The following ESRRB variants were observed in gnomAD, a reference collection of about 807,000 sequenced individuals.
The protein encoded by ESRRB is estrogen related receptor beta, also known as steroid hormone receptor ERR2.
In ESRRB, 16 loss-of-function variants were observed where a neutral mutation model predicts 46.0. The ratio of observed to expected loss-of-function variants is 0.35; its 90% confidence interval spans 0.24 to 0.53. ESRRB has a LOEUF of 0.53. Ranked by LOEUF, ESRRB falls within the 20% of genes least tolerant of loss-of-function variation. The probability of loss-of-function intolerance (pLI) is 0.93; values close to 1 mark genes in which losing one functional copy is unlikely to be tolerated. For missense variants in ESRRB, 488 were observed against 607.4 expected, an observed-to-expected ratio of 0.80 and a Z score of 2.07; for synonymous variants, 246 against 259.6, an observed-to-expected ratio of 0.95 and a Z score of 0.50.
chr14:76,440,132 C>G (rs181546153), intron 2 of ESRRB, among the ~76,000 whole-genome samples: 1 of 152,232 alleles, frequency 6.6e-6, no homozygotes, highest in Admixed American at 6.5e-5. Context: ...TCCAGACTTA[C>G]GGGACATAGA....
At chr14:76,444,068 G>GTT (rs1009354324) in intron 2 of ESRRB, among the ~76,000 whole-genome samples, 9 of 146,008 alleles carry the variant, frequency 6.2e-5, no homozygotes, top group Non-Finnish European at 7.6e-5. Flanking sequence ...TTTTGTTGTT[G>GTT]TTTTTTTTTT....
chr14:76,423,911 A>G (rs1162648097), intron 1 of ESRRB, among the ~76,000 whole-genome samples: 1 of 152,062 alleles, frequency 6.6e-6, no homozygotes, highest in Non-Finnish European at 1.5e-5. Context: ...GGCAGGAGAT[A>G]GCATGACAGA....
intron 1 of ESRRB, among the ~76,000 whole-genome samples, chr14:76,383,973 A>G (rs1406899871): frequency 6.6e-6 from 1 of 152,030 alleles, no homozygotes; most frequent in African/African-American, 2.4e-5. Flanking sequence ...TTTATGCAAA[A>G]CCAATTTTTA....
At chr14:76,389,122 T>C (rs1299647357) in intron 1 of ESRRB, among the ~76,000 whole-genome samples, 2 of 152,212 alleles carry the variant, frequency 1.3e-5, no homozygotes, top group Non-Finnish European at 2.9e-5. Context: ...GGAAAACTTT[T>C]ACCTATGTAT....
At chr14:76,348,242 A>G (rs1197400997) in intron 1 of ESRRB, among the ~76,000 whole-genome samples, 1 of 152,182 alleles carries the variant, frequency 6.6e-6, no homozygotes, top group African/African-American at 2.4e-5. Flanking sequence ...TCCACAAAGG[A>G]AACACTGATA....
chr14:76,500,712 C>T lies in ESRRB; in HGVS notation c.*2254C>T, dbSNP rs2140068988. The T allele has an allele frequency of 6.2e-7, 1 of 1,613,970 alleles. No homozygotes were observed. The highest frequency in any genetic ancestry group is 8.5e-7 in the Non-Finnish European group (1 of 1,179,876). The stretch of plus-strand genomic sequence containing the variant: ...TTTTCTAGGGAAAGCATCTCTGGCT[C>T]ACCATGTAACATCTGGCTTGGAGCA... On this transcript the variant is annotated 3_prime_UTR_variant, in exon 7 of 7. Transcript: ENST00000644823.
chr14:76,375,218 C>A (rs1223471736), upstream of ESRRB, among the ~76,000 whole-genome samples: 1 of 151,878 alleles, frequency 6.6e-6, no homozygotes, highest in Admixed American at 6.6e-5. Context: ...TGGTGCATCT[C>A]AAAAGATGAA....
intron 1 of ESRRB, among the ~76,000 whole-genome samples, chr14:76,414,629 A>G (rs1464506761): frequency 7.1e-6 from 1 of 140,196 alleles, no homozygotes; most frequent in East Asian, 2.4e-4. Context: ...TTACTTGATT[A>G]TTAGTCATTA....
At position 76,322,039 on chromosome 14, in the gene ESRRB, C is replaced by T. The variant is rs117765286; in HGVS notation, c.2+11123C>T. 9.9e-4 allele frequency among the ~76,000 whole-genome samples: 150 copies of T among 152,256 alleles called. 1 individual carries two copies. In the East Asian group the frequency reaches 0.018, roughly 19 times the overall value. The stretch of plus-strand genomic sequence containing the variant: ...ACGGGGCTGAGTGCAAACAGGCAAC[C>T]ACGTGAATACCCTTTTGTATCATTT... On this transcript the variant is annotated intron_variant, in intron 1 of 6. Coordinates refer to the ESRRB transcript ENST00000512784.
intron 5 of ESRRB, among the ~76,000 whole-genome samples, chr14:76,489,505 C>G (rs574677553): frequency 7.3e-6 from 1 of 137,298 alleles, no homozygotes; most frequent in Admixed American, 7.5e-5. Flanking sequence ...ACAGCCTCTC[C>G]CCTGAGAAGG....
rs559345268 is a variant in ESRRB at position 76,481,645 on chromosome 14, T to C, written c.578-371T>C. 7.9e-5 allele frequency among the ~76,000 whole-genome samples: 12 copies of C among 152,348 alleles called. No homozygotes were observed. The South Asian group carries it at 1.2e-3, about 16-fold the overall frequency. Reference sequence around the variant, plus strand: ...GAATGACCGGGATTCCTTTCTTTTGTTGGCAAGTTAACCCTCCCTGGATTC... The same window carrying C: ...GAATGACCGGGATTCCTTTCTTTTGCTGGCAAGTTAACCCTCCCTGGATTC... On this transcript the variant is annotated intron_variant, in intron 3 of 6. Coordinates refer to ENST00000644823, the MANE Select transcript of ESRRB (RefSeq NM_001379180.1).
intron 1 of ESRRB, among the ~76,000 whole-genome samples, chr14:76,388,566 AG>A (rs1015359776): frequency 1.3e-5 from 2 of 151,882 alleles, no homozygotes; most frequent in African/African-American, 4.8e-5. Context: ...GTGGTGGTGG[AG>A]GGGGAAAAGA....
chr14:76,470,934 C>T (rs2140009247), intron 3 of ESRRB, among the ~76,000 whole-genome samples: 1 of 152,294 alleles, frequency 6.6e-6, no homozygotes, highest in Non-Finnish European at 1.5e-5. Context: ...ATAAAGCAAC[C>T]CTCCTGCTTC....
intron 1 of ESRRB, among the ~76,000 whole-genome samples, chr14:76,419,710 C>A (rs1262304425): frequency 6.6e-6 from 1 of 152,174 alleles, no homozygotes; most frequent in Non-Finnish European, 1.5e-5. Context: ...CTCACAATAA[C>A]TCCATGAGTT....
At chr14:76,344,535 T>C (rs1195503352) in intron 1 of ESRRB, among the ~76,000 whole-genome samples, 2 of 152,136 alleles carry the variant, frequency 1.3e-5, no homozygotes, top group Non-Finnish European at 2.9e-5. Flanking sequence ...GGTTTTCCAT[T>C]CCTGAGTTAC....
At chr14:76,362,066 G>A (rs1024964744) in intron 1 of ESRRB, among the ~76,000 whole-genome samples, 16 of 152,174 alleles carry the variant, frequency 1.1e-4, no homozygotes, top group African/African-American at 3.9e-4. Context: ...GTGCTGGATG[G>A]TTACAGGGAA....
chr14:76,444,988 C>T (rs143958788), intron 2 of ESRRB, among the ~76,000 whole-genome samples: 104 of 151,792 alleles, frequency 6.9e-4, no homozygotes, highest in African/African-American at 2.2e-3. Context: ...TGTAACAAAG[C>T]GAGACCCTCA....
At position 76,500,665 on chromosome 14, in the gene ESRRB, C is replaced by T. The variant is rs1566621791; in HGVS notation, c.*2207C>T. ...GACCCAGGCGGCAGGGCATCATGCCCAGCTGGCATCTGCTGTCTGTCTTTT... is the reference window on the plus strand; with the variant it reads ...GACCCAGGCGGCAGGGCATCATGCCTAGCTGGCATCTGCTGTCTGTCTTTT... On this transcript the variant is annotated 3_prime_UTR_variant, in exon 7 of 7. Transcript: ENST00000644823. The T allele has an allele frequency of 6.2e-7, 1 of 1,613,626 alleles. No homozygotes were observed. Among genetic ancestry groups the T allele is most frequent in the Non-Finnish European group, 8.5e-7 (1 of 1,179,734 alleles).
At chr14:76,497,635 G>A (rs887389343) in intron 6 of ESRRB, among the ~76,000 whole-genome samples, 5 of 152,264 alleles carry the variant, frequency 3.3e-5, no homozygotes, top group Middle Eastern at 3.4e-3. Flanking sequence ...TGTATTCTGT[G>A]TCCTATAACC....
Sources: allele counts gnomAD v4.1 joint callset (sites outside exome capture counted in the v4.1 genomes callset), GRCh38; gene constraint gnomAD v4.1.1; transcripts MANE v1.5; gene names NCBI Gene and HGNC (gene_info 2026-07-23, HGNC 2026-07-21).